KITLG: variants seen among roughly 807,000 people sequenced by gnomAD.
KITLG encodes KIT ligand.
In KITLG, 13 loss-of-function variants were observed where a neutral mutation model predicts 34.1. The observed-to-expected ratio is 0.38, with a 90% CI of 0.25 to 0.61. KITLG has a LOEUF of 0.61. Ranked by LOEUF, KITLG falls within the 20% of genes least tolerant of loss-of-function variation. KITLG has a pLI of 0.60. For missense variants in KITLG, 292 were observed against 318.9 expected, an observed-to-expected ratio of 0.92 and a Z score of 0.64; for synonymous variants, 110 against 104.0, an observed-to-expected ratio of 1.06 and a Z score of -0.35.
intron 3 of KITLG, among the ~76,000 whole-genome samples, chr12:88,530,075 C>A (rs1466114171): frequency 1.3e-5 from 2 of 152,128 alleles, no homozygotes; most frequent in African/African-American, 4.8e-5. Flanking sequence ...ACAAAAAATT[C>A]TATTTAGTTG....
At chr12:88,535,227 G>A (rs990154829) in intron 2 of KITLG, among the ~76,000 whole-genome samples, 11 of 152,026 alleles carry the variant, frequency 7.2e-5, no homozygotes, top group African/African-American at 2.7e-4. Context: ...GAAGTTCCCT[G>A]ATAAAAACAC....
At chr12:88,519,573 A>C (rs1399508928) in intron 3 of KITLG, among the ~76,000 whole-genome samples, 1 of 152,162 alleles carries the variant, frequency 6.6e-6, no homozygotes, top group Non-Finnish European at 1.5e-5. Flanking sequence ...TTACCAGCAG[A>C]ATATCTCTGT....
intron 3 of KITLG, among the ~76,000 whole-genome samples, chr12:88,523,970 T>C (rs1869772557): frequency 6.6e-6 from 1 of 152,206 alleles, no homozygotes; most frequent in Non-Finnish European, 1.5e-5. Context: ...GACCTATAAA[T>C]GGCCCCTAGG....
chr12:88,506,372 G>C lies in KITLG; in HGVS notation c.721C>G (p.Gln241Glu), dbSNP rs1268752096. 4.4e-6 allele frequency: 7 copies of C among 1,601,360 alleles called. No homozygotes were observed. Among genetic ancestry groups the C allele is most frequent in the Non-Finnish European group, 6.0e-6 (7 of 1,168,604 alleles). Residue 241 changes from glutamine (Q) to glutamate (E), a missense_variant, in exon 8 of 10, where the codon CAG becomes GAG. By Grantham distance (29) the Gln-to-Glu change is conservative. Around this residue, in one of 2 missense-constraint regions of KITLG, gnomAD observed 140 missense variants for 111.0 expected, o/e 1.26. Coordinates refer to ENST00000644744, the MANE Select transcript of KITLG (RefSeq NM_000899.5). ...AFGALYWKKR[Q>E]PSLTRAVENI... ...TCAACTGCCCTTGTAAGACTTGGCT[G>C]TCTCTTCTGGAAAAAGAAGAAAGAC...
At chr12:88,543,658 T>C (rs1053255958) in intron 2 of KITLG, among the ~76,000 whole-genome samples, 7 of 152,164 alleles carry the variant, frequency 4.6e-5, no homozygotes, top group Non-Finnish European at 1.0e-4. Flanking sequence ...AAACATTTAA[T>C]GAACATCATC....
At chr12:88,499,940 G>A (rs1375611583) in intron 9 of KITLG, among the ~76,000 whole-genome samples, 4 of 152,052 alleles carry the variant, frequency 2.6e-5, no homozygotes, top group African/African-American at 7.2e-5. Context: ...ACCAACACCC[G>A]ATTAGTTTTC....
At chr12:88,574,954 C>T (rs1475766225) in intron 1 of KITLG, among the ~76,000 whole-genome samples, 1 of 152,138 alleles carries the variant, frequency 6.6e-6, no homozygotes, top group Non-Finnish European at 1.5e-5. Flanking sequence ...AAAAGTAGAA[C>T]AGTCTAAATT....
chr12:88,578,636 T>G (rs1014926046), intron 1 of KITLG, among the ~76,000 whole-genome samples: 3 of 152,238 alleles, frequency 2.0e-5, no homozygotes, highest in African/African-American at 7.2e-5. Context: ...TCCTACTGCC[T>G]CTCAAAGTGA....
At chr12:88,534,526 C>T (rs1395615644) in intron 2 of KITLG, among the ~76,000 whole-genome samples, 1 of 152,010 alleles carries the variant, frequency 6.6e-6, no homozygotes, top group Non-Finnish European at 1.5e-5. Context: ...ACCACTACAC[C>T]TGGCTAATTT....
chr12:88,526,863 C>CTTTTTT (rs10532642), intron 3 of KITLG, among the ~76,000 whole-genome samples: 3 of 79,986 alleles, frequency 3.8e-5, no homozygotes, highest in East Asian at 4.1e-4. Flanking sequence ...TCAGTATAGT[C>CTTTTTT]TTTTTTTTTT....
chr12:88,512,375 T>C (rs1290803229), intron 6 of KITLG, among the ~76,000 whole-genome samples: 2 of 152,082 alleles, frequency 1.3e-5, no homozygotes, highest in South Asian at 4.1e-4. Flanking sequence ...AGAGGATAAA[T>C]AAATGAACAA....
intron 6 of KITLG, among the ~76,000 whole-genome samples, chr12:88,515,110 T>C (rs561338787): frequency 1.3e-5 from 2 of 151,832 alleles, no homozygotes; most frequent in African/African-American, 2.4e-5. Context: ...TTTGGAATTC[T>C]ATACAACCAG....
chr12:88,516,237 A>G (rs545269086), intron 5 of KITLG, 97 bp downstream of exon 5: 19 of 1,002,100 alleles, frequency 1.9e-5, no homozygotes, highest in Middle Eastern at 2.9e-4. Context: ...ACATGCATGT[A>G]TCTTGCTACA....
chr12:88,529,027 G>A (rs530747883), intron 3 of KITLG, among the ~76,000 whole-genome samples: 5 of 152,222 alleles, frequency 3.3e-5, no homozygotes, highest in Admixed American at 3.3e-4. Flanking sequence ...CAAAGAAATT[G>A]TAAAGTTGAG....
chr12:88,526,036 T>A (rs1869850880), intron 3 of KITLG, among the ~76,000 whole-genome samples: 1 of 152,168 alleles, frequency 6.6e-6, no homozygotes, highest in Non-Finnish European at 1.5e-5. Flanking sequence ...AACAGGCGCA[T>A]TATTTTAGGA....
In KITLG at chr12:88,495,115, A is replaced by G. The variant is rs778729593; in HGVS notation, c.*2104T>C. 4 of 152,034 alleles carry G rather than the reference A, an allele frequency of 2.6e-5. No homozygotes were observed. The highest frequency in any genetic ancestry group is 6.6e-5 in the Admixed American group (1 of 15,236). The allele number at this position is 152,034 out of a possible 1,614,324, so 9.4% of individuals were successfully genotyped here. A position where few individuals can be genotyped will look rare whatever the true frequency, so the allele number is the denominator to read the frequency against. On this transcript the variant is annotated 3_prime_UTR_variant, in exon 10 of 10. Coordinates refer to ENST00000644744, the MANE Select transcript of KITLG (RefSeq NM_000899.5). ...ATTTAATAACTTGCTGAATTTGTTTATTTAACTCCATTGATTAAGACCATG... is the reference window on the plus strand; with the variant it reads ...ATTTAATAACTTGCTGAATTTGTTTGTTTAACTCCATTGATTAAGACCATG...
At chr12:88,566,282 G>T (rs1310520332) in intron 1 of KITLG, among the ~76,000 whole-genome samples, 2 of 152,268 alleles carry the variant, frequency 1.3e-5, no homozygotes, top group East Asian at 1.9e-4. Flanking sequence ...CTGACAGGTG[G>T]ATGTTGTCCC....
At chr12:88,508,016 G>A (rs188830399) in intron 6 of KITLG, among the ~76,000 whole-genome samples, 2 of 151,970 alleles carry the variant, frequency 1.3e-5, no homozygotes, top group South Asian at 2.1e-4. Context: ...GTAAAACCCC[G>A]TCTCTACTAA....
intron 1 of KITLG, among the ~76,000 whole-genome samples, chr12:88,570,602 T>C (rs1000849340): frequency 2.0e-5 from 3 of 151,970 alleles, no homozygotes; most frequent in African/African-American, 7.2e-5. Flanking sequence ...TCTATATTGG[T>C]GCATTATATT....
Sources: allele counts gnomAD v4.1 joint callset (sites outside exome capture counted in the v4.1 genomes callset), GRCh38; gene constraint gnomAD v4.1.1; regional missense constraint gnomAD v4.1.1; transcripts MANE v1.5; gene names NCBI Gene and HGNC (gene_info 2026-07-23, HGNC 2026-07-21).